AMPH: variants seen among roughly 807,000 people sequenced by gnomAD.
AMPH encodes amphiphysin (Stiff-Mann syndrome with breast cancer 128kD autoantigen).
AMPH carries 49 observed loss-of-function variants against 99.1 expected under a neutral mutation model. The observed-to-expected ratio is 0.49, with a 90% CI of 0.39 to 0.63. The LOEUF is 0.63. Ranked by LOEUF, AMPH falls within the 20% of genes least tolerant of loss-of-function variation. The probability of loss-of-function intolerance (pLI) is 0.00; values close to 1 mark genes in which losing one functional copy is unlikely to be tolerated. For synonymous variants in AMPH, 314 were observed against 317.3 expected (o/e 0.99, Z 0.11); for missense variants, 759 against 863.4 (o/e 0.88, Z 1.52).
At chr7:38,444,989 A>T (rs6978896) in intron 11 of AMPH, among the ~76,000 whole-genome samples, 1 of 16,800 alleles carries the variant, frequency 6.0e-5, no homozygotes, top group Non-Finnish European at 1.7e-4. Context: ...CCATATATAT[A>T]CATATATATA....
intron 1 of AMPH, among the ~76,000 whole-genome samples, chr7:38,583,831 C>T (rs1005879670): frequency 3.9e-5 from 6 of 152,236 alleles, no homozygotes; most frequent in Non-Finnish European, 5.9e-5. Context: ...GCTTACTACC[C>T]ACCAAGTCCT....
intron 17 of AMPH, among the ~76,000 whole-genome samples, chr7:38,407,479 G>A (rs1196645943): frequency 6.6e-6 from 1 of 151,872 alleles, no homozygotes; most frequent in African/African-American, 2.4e-5. Flanking sequence ...CGGAGAGGAG[G>A]CTGAAGGTTG....
chr7:38,418,354 A>G (rs1206122962), intron 16 of AMPH, among the ~76,000 whole-genome samples: 2 of 152,190 alleles, frequency 1.3e-5, no homozygotes, highest in Non-Finnish European at 2.9e-5. Flanking sequence ...ACGGAGGCAG[A>G]GACAGAGAGA....
At chr7:38,435,044 A>C (rs985243644) in intron 12 of AMPH, among the ~76,000 whole-genome samples, 1 of 152,214 alleles carries the variant, frequency 6.6e-6, no homozygotes, top group African/African-American at 2.4e-5. Context: ...CAGTTTTTTT[A>C]AATTGCAGAA....
At chr7:38,393,227 G>C (rs1253603809) in intron 18 of AMPH, among the ~76,000 whole-genome samples, 2 of 152,188 alleles carry the variant, frequency 1.3e-5, no homozygotes, top group African/African-American at 2.4e-5. Flanking sequence ...CCCAAAAAGG[G>C]ATAATGAAAG....
intron 12 of AMPH, among the ~76,000 whole-genome samples, chr7:38,435,038 T>G (rs766668079): frequency 2.6e-5 from 4 of 152,226 alleles, no homozygotes; most frequent in Admixed American, 6.5e-5. Flanking sequence ...TATAAACAGT[T>G]TTTTTAAATT....
intron 3 of AMPH, 41 bp downstream of exon 3, chr7:38,503,609 C>A: frequency 3.1e-6 from 5 of 1,597,166 alleles, no homozygotes; most frequent in Non-Finnish European, 4.3e-6. Context: ...CAAGAACAAC[C>A]TGTGCTAAGT....
chr7:38,547,617 G>T (rs1202905183), intron 1 of AMPH, among the ~76,000 whole-genome samples: 1 of 152,182 alleles, frequency 6.6e-6, no homozygotes, highest in Non-Finnish European at 1.5e-5. Context: ...AGTTTATTTT[G>T]CCAAGGTTAA....
At chr7:38,387,661 G>C (rs1201758259) in intron 20 of AMPH, among the ~76,000 whole-genome samples, 1 of 151,060 alleles carries the variant, frequency 6.6e-6, no homozygotes, top group Non-Finnish European at 1.5e-5. Flanking sequence ...AGTATAATTA[G>C]AAACCCAGAA....
At chr7:38,527,927 G>A (rs773247948) in intron 2 of AMPH, among the ~76,000 whole-genome samples, 2 of 152,042 alleles carry the variant, frequency 1.3e-5, no homozygotes, top group African/African-American at 2.4e-5. Flanking sequence ...TCTTCTATTC[G>A]TAACTTGCTG....
chr7:38,492,793 A>G (rs778074224), intron 4 of AMPH, among the ~76,000 whole-genome samples: 1 of 152,194 alleles, frequency 6.6e-6, no homozygotes, highest in Non-Finnish European at 1.5e-5. Context: ...CACACATAGA[A>G]GGTAACATGG....
At chr7:38,585,290 G>C (rs1294553787) in intron 1 of AMPH, among the ~76,000 whole-genome samples, 1 of 152,104 alleles carries the variant, frequency 6.6e-6, no homozygotes, top group African/African-American at 2.4e-5. Context: ...GACTCGAGGT[G>C]GATGCCCTTA....
intron 18 of AMPH, among the ~76,000 whole-genome samples, chr7:38,392,286 A>C (rs1784525247): frequency 6.9e-6 from 1 of 144,208 alleles, no homozygotes; most frequent in African/African-American, 2.6e-5. Context: ...AATTGGGAGG[A>C]GGGATAGGGG....
intron 12 of AMPH, among the ~76,000 whole-genome samples, chr7:38,434,494 C>T (rs1786178796): frequency 2.0e-5 from 3 of 152,158 alleles, no homozygotes; most frequent in South Asian, 2.1e-4. Flanking sequence ...AATCCCAGCA[C>T]TTTGGGAGGC....
chr7:38,540,721 G>T (rs1253558756), intron 1 of AMPH, among the ~76,000 whole-genome samples: 1 of 14,972 alleles, frequency 6.7e-5, no homozygotes, highest in Non-Finnish European at 1.4e-4. Flanking sequence ...AAAAAAAAAA[G>T]CTAGTCCTAC....
chr7:38,429,204 A>G (rs776280341), intron 14 of AMPH: 2 of 1,289,334 alleles, frequency 1.6e-6, no homozygotes, highest in Non-Finnish European at 2.0e-6. Flanking sequence ...TGGGTCATAC[A>G]GCTGCTCCAT....
intron 1 of AMPH, among the ~76,000 whole-genome samples, chr7:38,615,013 G>A (rs1793827731): frequency 6.6e-6 from 1 of 152,118 alleles, no homozygotes; most frequent in Non-Finnish European, 1.5e-5. Context: ...TCAGGTGCCA[G>A]ACCACTTGGA....
chr7:38,560,489 G>A (rs1371539505), intron 1 of AMPH, among the ~76,000 whole-genome samples: 1 of 152,160 alleles, frequency 6.6e-6, no homozygotes, highest in Non-Finnish European at 1.5e-5. Context: ...GTTTTGGGAT[G>A]GTTTGTTACA....
chr7:38,558,388 A>G (rs1201314260), intron 1 of AMPH, among the ~76,000 whole-genome samples: 1 of 152,192 alleles, frequency 6.6e-6, no homozygotes, highest in Non-Finnish European at 1.5e-5. Context: ...CCAAAGAGAG[A>G]GCCTTTGGCA....
Sources: allele counts gnomAD v4.1 joint callset (sites outside exome capture counted in the v4.1 genomes callset), GRCh38; gene constraint gnomAD v4.1.1; transcripts MANE v1.5; gene names NCBI Gene and HGNC (gene_info 2026-07-23, HGNC 2026-07-21).